Variants in TMEM237 observed in about 807,000 individuals in gnomAD.
TMEM237 encodes transmembrane protein 237, also known as amyotrophic lateral sclerosis 2 (juvenile) chromosome region, candidate 4.
In TMEM237, 51 loss-of-function variants were observed where a neutral mutation model predicts 59.1. The observed-to-expected ratio is 0.86, with a 90% confidence interval of 0.69 to 1.09. The LOEUF is 1.09. Among genes scored for constraint, TMEM237 ranks in the 50% least tolerant of loss-of-function variants. The pLI is 0.00. For synonymous variants in TMEM237, 140 were observed against 166.1 expected (o/e 0.84, Z 1.21); for missense variants, 475 against 478.3 (o/e 0.99, Z 0.06).
intron 1 of TMEM237, chr2:201,642,730 C>G (rs916198169): frequency 5.9e-6 from 9 of 1,527,478 alleles, no homozygotes; most frequent in Non-Finnish European, 7.9e-6. Context: ...TCGGGCCGCG[C>G]CGCCTGGCTA....
chr2:201,639,098 G>T, intron 3 of TMEM237, 53 bp from the exon 4 acceptor site: 1 of 1,484,638 alleles, frequency 6.7e-7, no homozygotes. Flanking sequence ...ATTCAATGCA[G>T]AGAACAGTCA....
intron 2 of TMEM237, 146 bp from the exon 3 acceptor site, chr2:201,640,411 C>T (rs1164402599): frequency 3.9e-6 from 3 of 765,516 alleles, no homozygotes; most frequent in Non-Finnish European, 5.8e-6. Flanking sequence ...CACATAATAG[C>T]TAGTTTACAA....
Position 201,640,260 on chromosome 2 carries a change from C to A in TMEM237, c.79+1G>T, listed in dbSNP as rs1344339747. ...ATTATATTTACATTAAACTAACTCA[C>A]CTTGACTAACACGTCATATAACACC... On this transcript the variant is annotated splice_donor_variant, in intron 3 of 12. Transcript: ENST00000409883. LOFTEE classifies it high-confidence loss of function. 1.3e-6 allele frequency: 2 copies of A among 1,553,674 alleles called. No homozygotes were observed. Among genetic ancestry groups the A allele is most frequent in the Non-Finnish European group, 1.7e-6 (2 of 1,160,884 alleles).
At position 201,629,304 on chromosome 2, in the gene TMEM237, G is replaced by C. The variant is rs369062566; in HGVS notation, c.795C>G (p.Tyr265Ter). Residue 265 changes from tyrosine to a stop codon, truncating the protein, a stop_gained, in exon 9 of 13, where the codon TAC becomes TAG. Coordinates refer to ENST00000409883, the MANE Select transcript of TMEM237 (RefSeq NM_001044385.3). LOFTEE classifies it high-confidence loss of function. ...TCTGGAATGGATACGCTAGGGTCTT[G>C]TATTGTTGCAGAAGGTTTGAGAGGT... Reference protein sequence around the residue: ...LSNLSNLLQQYKTLAYPFQSL... With the variant: ...LSNLSNLLQQ 1 of 1,611,204 alleles carries C rather than the reference G, an allele frequency of 6.2e-7. No individual in the cohort carries two copies. Among genetic ancestry groups the C allele is most frequent in the Non-Finnish European group, 8.5e-7 (1 of 1,179,180 alleles).
rs1687223389 is a variant in TMEM237 at position 201,633,428 on chromosome 2, A to T, written c.278T>A (p.Leu93Ter). ...RQKKTRLPLE[L>*]ETSSTQKKSS... ...CTTCTTTTGGGTGGAGGAAGTCTCCAATTCTGAAAACAAAATAAATTTAAC... is the reference window on the plus strand; with the variant it reads ...CTTCTTTTGGGTGGAGGAAGTCTCCTATTCTGAAAACAAAATAAATTTAAC... The change falls in exon 6 of 13, where the codon TTG becomes TAG. Residue 93 changes from leucine to a stop codon, truncating the protein, a stop_gained. Transcript: ENST00000409883. LOFTEE classifies it high-confidence loss of function. 6.5e-7 allele frequency: 1 copy of T among 1,530,688 alleles called. No homozygotes were observed. Among genetic ancestry groups the T allele is most frequent in the Non-Finnish European group, 8.8e-7 (1 of 1,140,660 alleles). The allele number at this position is 1,530,688 out of a possible 1,614,324, so 94.8% of individuals were successfully genotyped here.
intron 5 of TMEM237, chr2:201,634,776 G>C (rs1687262308): frequency 6.2e-6 from 2 of 323,238 alleles, no homozygotes; most frequent in African/African-American, 2.2e-5. Flanking sequence ...AGTGCCCCCA[G>C]GCACTGTGGC....
At chr2:201,632,539 C>T (rs952284927) in intron 6 of TMEM237, among the ~76,000 whole-genome samples, 3 of 152,192 alleles carry the variant, frequency 2.0e-5, no homozygotes, top group Non-Finnish European at 2.9e-5. Flanking sequence ...TAATCCCCAC[C>T]TGTCAAGGGA....
rs2105899190 is a variant in TMEM237, at chr2:201,629,751, G to A, written c.655C>T (p.Leu219Phe). 1 of 1,612,714 alleles carries A rather than the reference G, an allele frequency of 6.2e-7. No homozygotes were observed. Among genetic ancestry groups the A allele is most frequent in the Non-Finnish European group, 8.5e-7 (1 of 1,179,626 alleles). The change falls in exon 8 of 13, where the codon CTT becomes TTT. Residue 219 changes from leucine (L) to phenylalanine (F), a missense_variant. Leu to Phe is a conservative substitution (Grantham distance 22). Transcript: ENST00000409883. ...KPSWTTRDVA[L>F]TVHRAFRMIG... The stretch of plus-strand genomic sequence containing the variant: ...CACCTGAAAGCCCGGTGCACTGTAA[G>A]TGCCACATCTCTGGTGGTCCAGGAA...
chr2:201,624,145 A>G lies in TMEM237; in HGVS notation c.*110T>C. ...ATATTGAGAGATGTTTCAGTATTAT[A>G]TAATCAAAAAATCTATTACAAATAC... On this transcript the variant is annotated 3_prime_UTR_variant, in exon 13 of 13. Transcript: ENST00000409883. 1.5e-6 allele frequency: 1 copy of G among 674,082 alleles called. No individual in the cohort carries two copies. Among genetic ancestry groups the G allele is most frequent in the Non-Finnish European group, 2.4e-6 (1 of 419,686 alleles). 41.8% of individuals were successfully genotyped at this position (674,082 alleles called of 1,614,324 possible).
At chr2:201,639,316 A>C (rs1026825408) in intron 3 of TMEM237, among the ~76,000 whole-genome samples, 3 of 152,232 alleles carry the variant, frequency 2.0e-5, no homozygotes, top group African/African-American at 7.2e-5. Flanking sequence ...TATATTTCCC[A>C]GCCTCCTTGC....
chr2:201,628,284 G>A, intron 9 of TMEM237, 135 bp from the exon 10 acceptor site: 1 of 549,378 alleles, frequency 1.8e-6, no homozygotes. Flanking sequence ...TAGCTACAGT[G>A]TATACTTAAC....
rs538213022 is a variant in TMEM237 at position 201,643,274 on chromosome 2, GC to G, written c.42+84del. ...CCTTAGTGATTCCCAGCTCGTTGGC[GC>G]CCCCCCACACACACCCACCCCCACT... On this transcript the variant is annotated intron_variant, in intron 1 of 12. Transcript: ENST00000409883. The surrounding 1 kb of genome is among the most constrained non-coding windows in gnomAD (Gnocchi z 4.3). 34 of 1,206,546 alleles carry G rather than the reference GC, an allele frequency of 2.8e-5. No individual in the cohort carries two copies. Among genetic ancestry groups the G allele is most frequent in the Middle Eastern group, 1.9e-4 (1 of 5,166 alleles). 74.7% of individuals were successfully genotyped at this position (1,206,546 alleles called of 1,614,324 possible). A position where few individuals can be genotyped will look rare whatever the true frequency, so the allele number is the denominator to read the frequency against.
chr2:201,643,407 C>G lies in TMEM237; in HGVS notation c.-7G>C. 1 of 1,524,436 alleles carries G rather than the reference C, an allele frequency of 6.6e-7. No homozygotes were observed. The highest frequency in any genetic ancestry group is 8.8e-7 in the Non-Finnish European group (1 of 1,135,376). The allele number at this position is 1,524,436 out of a possible 1,614,324, so 94.4% of individuals were successfully genotyped here. A position where few individuals can be genotyped will look rare whatever the true frequency, so the allele number is the denominator to read the frequency against. Reference sequence around the variant, plus strand: ...CCCCCGAGTCAGTCCTCATGGTGCTCTCCCCGCGGGGCTGCCCCGGCGCAA... The same window carrying G: ...CCCCCGAGTCAGTCCTCATGGTGCTGTCCCCGCGGGGCTGCCCCGGCGCAA... On this transcript the variant is annotated 5_prime_UTR_variant, in exon 1 of 13. Coordinates refer to ENST00000409883, the MANE Select transcript of TMEM237 (RefSeq NM_001044385.3). This position sits in a 1 kb window ranked among gnomAD's most constrained non-coding sequence, Gnocchi z 4.3.
Position 201,622,422 on chromosome 2 carries a change from T to C in TMEM237, c.*1833A>G, listed in dbSNP as rs1396370181. 2 of 152,208 alleles carry C rather than the reference T, an allele frequency of 1.3e-5. No individual in the cohort carries two copies. Among genetic ancestry groups the C allele is most frequent in the African/African-American group, 4.8e-5 (2 of 41,436 alleles). The allele number at this position is 152,208 out of a possible 1,614,324, so 9.4% of individuals were successfully genotyped here. A position where few individuals can be genotyped will look rare whatever the true frequency, so the allele number is the denominator to read the frequency against. The stretch of plus-strand genomic sequence containing the variant: ...TTCCTTTCTTGGCTCTAGGGGAGGA[T>C]TTGTTTCCTTGCTCATTTGGGATAC... On this transcript the variant is annotated 3_prime_UTR_variant, in exon 13 of 13. Coordinates refer to ENST00000409883, the MANE Select transcript of TMEM237 (RefSeq NM_001044385.3).
At chr2:201,628,806 A>G (rs1283177178) in intron 9 of TMEM237, among the ~76,000 whole-genome samples, 1 of 152,208 alleles carries the variant, frequency 6.6e-6, no homozygotes, top group Non-Finnish European at 1.5e-5. Context: ...GGAAAAAGGA[A>G]TCAACCCTGG....
At position 201,638,996 on chromosome 2, in the gene TMEM237, G is replaced by A. The variant is rs1315158108; in HGVS notation, c.129C>T (p.Asn43=). The stretch of plus-strand genomic sequence containing the variant: ...CAAAGAATAACGTCTTACCTGGTGT[G>A]TTTTTTGTTCTGGGCTTCTTTTTCT... ...RPKKKKPRTK[N]TPASASLEGL... is the part of the protein sequence containing the mutation. The change falls in exon 4 of 13, where the codon AAC becomes AAT. Residue 43 remains asparagine (N), a synonymous_variant. Coordinates refer to ENST00000409883, the MANE Select transcript of TMEM237 (RefSeq NM_001044385.3). The A allele has an allele frequency of 7.6e-6, 12 of 1,582,972 alleles. No homozygotes were observed. The highest frequency in any genetic ancestry group is 1.8e-5 in the Admixed American group (1 of 54,814).
intron 5 of TMEM237, chr2:201,634,990 G>A (rs1687268177): frequency 4.3e-6 from 1 of 234,592 alleles, no homozygotes; most frequent in Non-Finnish European, 9.6e-6. Context: ...TTCCTTCCCT[G>A]AGTTTTGCTC....
Position 201,629,711 on chromosome 2 carries a change from T to C in TMEM237, c.677+18A>G. 1.9e-6 allele frequency: 3 copies of C among 1,586,152 alleles called. No homozygotes were observed. Among genetic ancestry groups the C allele is most frequent in the Middle Eastern group, 1.7e-4 (1 of 5,962 alleles). ...CAGTTAACATTTATTTTAAGAAAAG[T>C]CCAACAAAAGCAGCCACCTGAAAGC... On this transcript the variant is annotated intron_variant, in intron 8 of 12. Transcript: ENST00000409883.
At chr2:201,637,889 A>G (rs1337786030) in intron 4 of TMEM237, among the ~76,000 whole-genome samples, 1 of 152,316 alleles carries the variant, frequency 6.6e-6, no homozygotes, top group East Asian at 1.9e-4. Context: ...TTATTGTCCA[A>G]TGTTGTTAAG....
Sources: allele counts gnomAD v4.1 joint callset (sites outside exome capture counted in the v4.1 genomes callset), GRCh38; gene constraint gnomAD v4.1.1; non-coding constraint Gnocchi (gnomAD v3.1); transcripts MANE v1.5; gene names NCBI Gene and HGNC (gene_info 2026-07-23, HGNC 2026-07-21).